The following DLGAP2 variants were observed in gnomAD, a reference collection of about 807,000 sequenced individuals.
DLGAP2 encodes disks large-associated protein 2.
DLGAP2 carries 26 observed loss-of-function variants against 100.3 expected under a neutral mutation model. The observed-to-expected ratio is 0.26, with a 90% CI of 0.19 to 0.36. The LOEUF (loss-of-function observed/expected upper bound fraction) is 0.36. DLGAP2 is among the 10% of genes least tolerant of loss of function. The pLI, the probability that DLGAP2 is intolerant of heterozygous loss-of-function variation, is 1.00. For synonymous variants in DLGAP2, 886 were observed against 630.1 expected (o/e 1.41, Z -6.08); for missense variants, 1,858 against 1,453.2 (o/e 1.28, Z -4.53).
At chr8:1,188,225 C>T (rs369298412) in intron 2 of DLGAP2, among the ~76,000 whole-genome samples, 3 of 139,328 alleles carry the variant, frequency 2.2e-5, no homozygotes, top group Non-Finnish European at 3.0e-5. Context: ...CTCACACGCC[C>T]GGGACTTCCG....
intron 2 of DLGAP2, among the ~76,000 whole-genome samples, chr8:1,235,368 C>G (rs140660433): frequency 0.015 from 2,188 of 149,580 alleles, 30 homozygotes; most frequent in South Asian, 0.071. Context: ...GGCGTCGTGT[C>G]TAGTTCCCTC....
intron 1 of DLGAP2, among the ~76,000 whole-genome samples, chr8:881,028 T>G (rs1295769610): frequency 2.0e-5 from 3 of 152,232 alleles, no homozygotes. Context: ...GGCTTATATA[T>G]AAGTGAGTAA....
At chr8:836,206 C>T (rs1796872246) in intron 1 of DLGAP2, among the ~76,000 whole-genome samples, 1 of 152,160 alleles carries the variant, frequency 6.6e-6, no homozygotes, top group Non-Finnish European at 1.5e-5. Context: ...GGGGACTCGG[C>T]CGGAAAGCCC....
chr8:1,076,785 CA>C (rs1431961302), intron 2 of DLGAP2, among the ~76,000 whole-genome samples: 2 of 152,046 alleles, frequency 1.3e-5, no homozygotes, highest in African/African-American at 4.8e-5. Context: ...GCTCGAAGTT[CA>C]AGACCAAGAA....
At chr8:1,455,727 G>A (rs932605637) in intron 3 of DLGAP2, among the ~76,000 whole-genome samples, 3 of 152,094 alleles carry the variant, frequency 2.0e-5, no homozygotes, top group East Asian at 3.9e-4. Context: ...TTAATTAAGC[G>A]TCGCATCCTC....
intron 1 of DLGAP2, among the ~76,000 whole-genome samples, chr8:890,548 C>T (rs1246467076): frequency 1.3e-5 from 2 of 151,760 alleles, no homozygotes; most frequent in African/African-American, 2.4e-5. Context: ...GTCTCGATGG[C>T]GCCTCCTCCT....
chr8:1,155,929 G>C (rs1796775492), intron 2 of DLGAP2, among the ~76,000 whole-genome samples: 1 of 152,186 alleles, frequency 6.6e-6, no homozygotes, highest in Non-Finnish European at 1.5e-5. Context: ...AGGGAGCTTC[G>C]GGGCTCGGGG....
chr8:1,361,954 C>G (rs1157943196), intron 3 of DLGAP2, among the ~76,000 whole-genome samples: 1 of 152,214 alleles, frequency 6.6e-6, no homozygotes, highest in African/African-American at 2.4e-5. Context: ...AGGTGGACAC[C>G]TCCTGGCTGC....
chr8:1,523,562 T>C, intron 4 of DLGAP2, among the ~76,000 whole-genome samples: 1 of 152,102 alleles, frequency 6.6e-6, no homozygotes, highest in East Asian at 1.9e-4. Flanking sequence ...AGTCCCTGGG[T>C]AGAAAATTGA....
chr8:1,449,318 A>C (rs1798072738), intron 3 of DLGAP2, among the ~76,000 whole-genome samples: 1 of 152,208 alleles, frequency 6.6e-6, no homozygotes, highest in Admixed American at 6.5e-5. Flanking sequence ...CTAAAGAGTG[A>C]AGGGTCACTG....
Position 1,335,201 on chromosome 8 carries a change from C to G in DLGAP2, c.106+76318C>G, listed in dbSNP as rs1801247144. Among the ~76,000 whole-genome samples the G allele has an allele frequency of 2.0e-5, 3 of 152,270 alleles. No homozygotes were observed. In the South Asian group the frequency reaches 6.2e-4, roughly 32 times the overall value. On this transcript the variant is annotated intron_variant, in intron 3 of 14. Transcript: ENST00000637795. ...AGCAGAGGTAGTGTGGCCTTTCTCT[C>G]TCAGTCTACACCGAAGCCATCAGGA...
chr8:1,143,407 T>C (rs553784635), intron 2 of DLGAP2, among the ~76,000 whole-genome samples: 1 of 152,316 alleles, frequency 6.6e-6, no homozygotes, highest in Admixed American at 6.5e-5. Flanking sequence ...AATATCTCTA[T>C]CAAACTTTCA....
chr8:1,244,015 C>G (rs2116865092), intron 2 of DLGAP2, among the ~76,000 whole-genome samples: 1 of 152,288 alleles, frequency 6.6e-6, no homozygotes, highest in Middle Eastern at 3.4e-3. Flanking sequence ...CCTCTGCACT[C>G]CACCATAGGG....
At chr8:1,273,612 C>G (rs143289474) in intron 3 of DLGAP2, among the ~76,000 whole-genome samples, 2,896 of 152,330 alleles carry the variant, frequency 0.019, 39 homozygotes, top group South Asian at 0.061. Context: ...CTCCATCCTT[C>G]CCAGTAGCCC....
intron 1 of DLGAP2, among the ~76,000 whole-genome samples, chr8:798,964 A>C (rs1264107211): frequency 1.3e-5 from 2 of 152,230 alleles, no homozygotes; most frequent in Non-Finnish European, 2.9e-5. Flanking sequence ...TTTTCCTTAG[A>C]ATCTTGGAGT....
intron 2 of DLGAP2, among the ~76,000 whole-genome samples, chr8:1,173,039 TG>T (rs1341486189): frequency 6.6e-6 from 1 of 152,172 alleles, no homozygotes; most frequent in African/African-American, 2.4e-5. Context: ...TTGATGATGG[TG>T]ATGTACAGAT....
chr8:1,561,311 C>T (rs976103100), intron 5 of DLGAP2, among the ~76,000 whole-genome samples: 2 of 152,178 alleles, frequency 1.3e-5, no homozygotes, highest in African/African-American at 4.8e-5. Context: ...CATACAATAC[C>T]TCCAATTCCC....
intron 2 of DLGAP2, chr8:1,247,221 T>TGA (rs1563036940): frequency 7.9e-5 from 6 of 76,188 alleles, no homozygotes; most frequent in Non-Finnish European, 8.4e-5. Context: ...CAGTGTGGAG[T>TGA]GATGGTCCAC....
At chr8:892,276 C>A (rs755444081) in intron 1 of DLGAP2, among the ~76,000 whole-genome samples, 1 of 152,198 alleles carries the variant, frequency 6.6e-6, no homozygotes, top group Admixed American at 6.5e-5. Flanking sequence ...TTGTGCACAG[C>A]AGCCAGAGGT....
Sources: allele counts gnomAD v4.1 joint callset (sites outside exome capture counted in the v4.1 genomes callset), GRCh38; gene constraint gnomAD v4.1.1; transcripts MANE v1.5; gene names NCBI Gene and HGNC (gene_info 2026-07-23, HGNC 2026-07-21).